ROBO1: variants seen among roughly 807,000 people sequenced by gnomAD.
ROBO1 encodes the protein roundabout homolog 1.
A neutral mutation model predicts 195.9 loss-of-function variants in ROBO1; 149 were observed. That is an observed-to-expected ratio of 0.76 (90% confidence interval 0.67 to 0.87). The LOEUF (loss-of-function observed/expected upper bound fraction) is 0.87. Ranked by LOEUF, ROBO1 falls within the 40% of genes least tolerant of loss-of-function variation. ROBO1 has a pLI of 0.00. For synonymous variants in ROBO1, 816 were observed against 733.2 expected (o/e 1.11, Z -1.82); for missense variants, 1,933 against 2,068.3 (o/e 0.93, Z 1.27).
At chr3:79,128,859 A>C (rs112031538) in intron 2 of ROBO1, among the ~76,000 whole-genome samples, 8 of 152,274 alleles carry the variant, frequency 5.3e-5, no homozygotes, top group African/African-American at 1.9e-4. Context: ...CATTGACTCC[A>C]AGTCTGGAGG....
At chr3:79,071,734 A>ATG (rs1559638551) in intron 3 of ROBO1, among the ~76,000 whole-genome samples, 6 of 147,760 alleles carry the variant, frequency 4.1e-5, no homozygotes, top group East Asian at 2.0e-4. Context: ...GCACACACAC[A>ATG]CACACGCACA....
chr3:78,935,635 A>G (rs1435772139), intron 4 of ROBO1, among the ~76,000 whole-genome samples: 2 of 152,058 alleles, frequency 1.3e-5, no homozygotes, highest in African/African-American at 2.4e-5. Context: ...TACAACTCGT[A>G]AGACCTTCTT....
At chr3:79,633,991 A>G (rs549622492) in intron 1 of ROBO1, among the ~76,000 whole-genome samples, 2 of 152,286 alleles carry the variant, frequency 1.3e-5, no homozygotes, top group Admixed American at 6.5e-5. Context: ...ATGACATTAG[A>G]TTCAATAACA....
chr3:78,886,264 A>T lies in ROBO1; in HGVS notation c.499+52337T>A, dbSNP rs116258136. Among the ~76,000 whole-genome samples the T allele has an allele frequency of 4.1e-3, 617 of 152,206 alleles. 14 individuals carry two copies. The highest frequency in any genetic ancestry group is 0.013 in the African/African-American group (534 of 41,538). ...CTTCGAGGCTTCTTAACTCAATTTC[A>T]TATATCGCCAACATATTTTATCAGT... On this transcript the variant is annotated intron_variant, in intron 4 of 30. Coordinates refer to ENST00000464233, the MANE Select transcript of ROBO1 (RefSeq NM_002941.4).
chr3:79,170,229 T>C (rs1559709659), intron 2 of ROBO1, among the ~76,000 whole-genome samples: 1 of 152,140 alleles, frequency 6.6e-6, no homozygotes, highest in Non-Finnish European at 1.5e-5. Flanking sequence ...CTCATTTACC[T>C]ACTAATTACT....
intron 4 of ROBO1, among the ~76,000 whole-genome samples, chr3:78,853,599 T>C (rs2034218032): frequency 6.6e-6 from 1 of 151,894 alleles, no homozygotes; most frequent in African/African-American, 2.4e-5. Flanking sequence ...ATTTTTTAGA[T>C]GTGATTAAAA....
intron 3 of ROBO1, among the ~76,000 whole-genome samples, chr3:79,039,321 C>T (rs2108326305): frequency 6.6e-6 from 1 of 152,146 alleles, no homozygotes; most frequent in East Asian, 1.9e-4. Flanking sequence ...TACAGAAAGC[C>T]CTTACATTTT....
At chr3:78,727,326 C>A (rs1162586050) in intron 5 of ROBO1, among the ~76,000 whole-genome samples, 1 of 152,076 alleles carries the variant, frequency 6.6e-6, no homozygotes, top group Non-Finnish European at 1.5e-5. Flanking sequence ...AAAAAGAATA[C>A]TTTAAAAAAC....
intron 1 of ROBO1, among the ~76,000 whole-genome samples, chr3:79,698,887 C>A (rs1947525594): frequency 6.6e-6 from 1 of 151,392 alleles, no homozygotes; most frequent in African/African-American, 2.4e-5. Flanking sequence ...GTTGAAAGTG[C>A]TGATAAGCTT....
rs1457537568 is a variant in ROBO1, at chr3:78,627,685, A to C, written c.3627-116T>G. ...TTCAAATCTGAACGTTCTCAGTCAC[A>C]TTAAGGAGATATTATTGAAAAAGGT... On this transcript the variant is annotated intron_variant, in intron 25 of 30. Transcript: ENST00000464233. 25 of 1,108,584 alleles carry C rather than the reference A, an allele frequency of 2.3e-5. No individual in the cohort carries two copies. Among genetic ancestry groups the C allele is most frequent in the Non-Finnish European group, 2.9e-5 (23 of 794,234 alleles). The allele number at this position is 1,108,584 out of a possible 1,614,324, so 68.7% of individuals were successfully genotyped here. A position where few individuals can be genotyped will look rare whatever the true frequency, so the allele number is the denominator to read the frequency against.
chr3:79,763,585 G>T (rs1704826913), intron 1 of ROBO1, among the ~76,000 whole-genome samples: 1 of 152,112 alleles, frequency 6.6e-6, no homozygotes, highest in Non-Finnish European at 1.5e-5. Context: ...AGGCAGAAAA[G>T]AACAACTGGC....
chr3:79,740,233 ATAAAT>A (rs2107414979), intron 1 of ROBO1, among the ~76,000 whole-genome samples: 1 of 34,822 alleles, frequency 2.9e-5, no homozygotes, highest in African/African-American at 9.2e-5. Flanking sequence ...AAATTTATAT[ATAAAT>A]ATATATATAT....
chr3:78,893,348 A>G (rs994408493), intron 4 of ROBO1, among the ~76,000 whole-genome samples: 3 of 152,072 alleles, frequency 2.0e-5, no homozygotes, highest in African/African-American at 7.2e-5. Context: ...TGCTATGTGG[A>G]GGAACAGCAT....
At chr3:78,765,032 AC>A (rs1000293762) in intron 4 of ROBO1, among the ~76,000 whole-genome samples, 16 of 151,966 alleles carry the variant, frequency 1.1e-4, no homozygotes, top group Non-Finnish European at 2.9e-5. Flanking sequence ...CACATTTTAG[AC>A]TTTTTTTTCA....
rs927109486 is a variant in ROBO1, at chr3:78,659,799, C to T, written c.2329G>A (p.Ala777Thr). 2 of 1,602,882 alleles carry T rather than the reference C, an allele frequency of 1.2e-6. No individual in the cohort carries two copies. Among genetic ancestry groups the T allele is most frequent in the South Asian group, 2.3e-5 (2 of 88,618 alleles). ...FAKTLEEAPS[A>T]PPQGVTVSKN... ...GATACAGTTACACCTTGGGGTGGGGCACTGGGTGCTATTAAATTGTTTTAA... is the reference window on the plus strand; with the variant it reads ...GATACAGTTACACCTTGGGGTGGGGTACTGGGTGCTATTAAATTGTTTTAA... Residue 777 changes from alanine to threonine, a missense_variant, in exon 17 of 31, where the codon GCC (alanine) becomes ACC (threonine). Ala to Thr is a moderately conservative substitution (Grantham distance 58). Around this residue, in one of 3 missense-constraint regions of ROBO1, gnomAD observed 1,737 missense variants for 1,882.5 expected, o/e 0.92. Coordinates refer to ENST00000464233, the MANE Select transcript of ROBO1 (RefSeq NM_002941.4).
At chr3:79,427,009 C>CA (rs2038474716) in intron 2 of ROBO1, among the ~76,000 whole-genome samples, 1 of 152,024 alleles carries the variant, frequency 6.6e-6, no homozygotes, top group Non-Finnish European at 1.5e-5. Context: ...TTTTATAAAA[C>CA]AAAAATGGCC....
chr3:79,559,528 G>A (rs1056756350), intron 2 of ROBO1, among the ~76,000 whole-genome samples: 1 of 152,126 alleles, frequency 6.6e-6, no homozygotes, highest in Non-Finnish European at 1.5e-5. Context: ...TTGTTCTTTC[G>A]ATTTTAGAAT....
intron 2 of ROBO1, among the ~76,000 whole-genome samples, chr3:79,344,310 G>T (rs1458110202): frequency 6.6e-6 from 1 of 152,064 alleles, no homozygotes; most frequent in Non-Finnish European, 1.5e-5. Context: ...ACAAATTGGG[G>T]GTGGGGGAAA....
chr3:79,160,230 A>G (rs917599728), intron 2 of ROBO1, among the ~76,000 whole-genome samples: 10 of 144,204 alleles, frequency 6.9e-5, no homozygotes, highest in Non-Finnish European at 1.3e-4. Context: ...TTGCCTTTAA[A>G]AAAATGTGTG....
Sources: gnomAD v4.1 joint callset for allele counts (sites outside exome capture counted in the v4.1 genomes callset) on GRCh38, gnomAD v4.1.1 for gene constraint, gnomAD v4.1.1 regional missense constraint, MANE v1.5 for transcripts, NCBI Gene and HGNC (gene_info 2026-07-23, HGNC 2026-07-21) for gene names.